Variants in SYT1 observed in about 807,000 individuals in gnomAD.
SYT1 encodes synaptotagmin-1.
In SYT1, 8 loss-of-function variants were observed where a neutral mutation model predicts 44.8. That is an observed-to-expected ratio of 0.18 (90% CI 0.10 to 0.32). The LOEUF is 0.32. SYT1 is among the 10% of genes least tolerant of loss of function. The pLI is 1.00. For missense variants in SYT1, 286 were observed against 509.3 expected (o/e 0.56, Z 4.22); for synonymous variants, 154 against 188.8 (o/e 0.82, Z 1.51).
intron 4 of SYT1, among the ~76,000 whole-genome samples, chr12:79,278,797 G>A (rs181236856): frequency 6.6e-6 from 1 of 151,828 alleles, no homozygotes; most frequent in Admixed American, 6.6e-5. Flanking sequence ...ATTTAAATAA[G>A]CTCAATCAGA....
intron 5 of SYT1, among the ~76,000 whole-genome samples, chr12:79,289,552 A>G (rs1163773760): frequency 6.6e-6 from 1 of 152,164 alleles, no homozygotes; most frequent in Non-Finnish European, 1.5e-5. Context: ...GGTAAAAACC[A>G]CTTAGGGAGA....
At chr12:79,392,670 T>G (rs569967274) in intron 9 of SYT1, 1 of 151,868 alleles carries the variant, frequency 6.6e-6, no homozygotes, top group Non-Finnish European at 1.5e-5. Flanking sequence ...ACTAGTTCAG[T>G]CAGTTTAATG....
intron 4 of SYT1, among the ~76,000 whole-genome samples, chr12:79,244,579 C>A (rs1876708453): frequency 6.6e-6 from 1 of 152,048 alleles, no homozygotes; most frequent in Admixed American, 6.5e-5. Flanking sequence ...GTGGTGGCGC[C>A]TGTAGTCCCA....
intron 1 of SYT1, among the ~76,000 whole-genome samples, chr12:78,922,769 A>G (rs1877078872): frequency 6.6e-6 from 1 of 151,942 alleles, no homozygotes; most frequent in East Asian, 1.9e-4. Flanking sequence ...ATGCCTCAGA[A>G]TGTTCTCTTT....
At chr12:79,302,641 ATTC>A (rs1024905976) in intron 8 of SYT1, among the ~76,000 whole-genome samples, 110 of 152,198 alleles carry the variant, frequency 7.2e-4, no homozygotes, top group Admixed American at 1.6e-3. Flanking sequence ...CCACTATTCG[ATTC>A]TATCCCCAGG....
chr12:78,924,290 G>C (rs1877177270), intron 1 of SYT1, among the ~76,000 whole-genome samples: 1 of 151,848 alleles, frequency 6.6e-6, no homozygotes, highest in South Asian at 2.1e-4. Context: ...GGCAATGTCT[G>C]CCAATAATTT....
At chr12:79,163,713 G>A (rs1871086699) in intron 3 of SYT1, among the ~76,000 whole-genome samples, 1 of 151,962 alleles carries the variant, frequency 6.6e-6, no homozygotes, top group South Asian at 2.1e-4. Context: ...ATTACCAGTT[G>A]GACAGCAGCA....
chr12:79,061,917 T>C (rs1251828063), intron 3 of SYT1, among the ~76,000 whole-genome samples: 1 of 152,172 alleles, frequency 6.6e-6, no homozygotes, highest in African/African-American at 2.4e-5. Flanking sequence ...TTTTTTCTGC[T>C]TAATCTACCA....
chr12:79,285,838 T>G lies in SYT1; in HGVS notation c.218T>G (p.Leu73Arg). The G allele has an allele frequency of 6.2e-7, 1 of 1,613,676 alleles. No individual in the cohort carries two copies. The highest frequency in any genetic ancestry group is 8.5e-7 in the Non-Finnish European group (1 of 1,179,888). The change falls in exon 5 of 11, where the codon CTG becomes CGG. Residue 73 changes from leucine to arginine, a missense_variant. By Grantham distance (102) the Leu-to-Arg change is moderately radical. This residue lies in a region of SYT1 where 141 missense variants were observed against 165.7 expected (regional missense o/e 0.85). Coordinates refer to ENST00000261205, the MANE Select transcript of SYT1 (RefSeq NM_005639.3). ...AIAIVAVLLV[L>R]TCCFCICKKC... is the part of the protein sequence containing the mutation. ...GCCATAGTCGCAGTCCTTTTAGTCC[T>G]GACCTGCTGCTTTTGTATCTGTAAG...
chr12:79,222,832 GGCT>G (rs532034049), intron 4 of SYT1, among the ~76,000 whole-genome samples: 36 of 151,854 alleles, frequency 2.4e-4, no homozygotes, highest in African/African-American at 8.2e-4. Context: ...TTTTTAAATA[GGCT>G]GTCTTCAAAA....
chr12:78,931,745 G>A (rs919143494), intron 1 of SYT1, among the ~76,000 whole-genome samples: 1 of 152,182 alleles, frequency 6.6e-6, no homozygotes, highest in Non-Finnish European at 1.5e-5. Flanking sequence ...CAATAGAGAT[G>A]AGCCAATTTA....
At chr12:79,401,632 T>C (rs1284923683) in intron 9 of SYT1, among the ~76,000 whole-genome samples, 1 of 152,026 alleles carries the variant, frequency 6.6e-6, no homozygotes, top group African/African-American at 2.4e-5. Context: ...GGAAGAATGA[T>C]ATTAAAGATA....
At chr12:78,925,076 A>C (rs1223197900) in intron 1 of SYT1, among the ~76,000 whole-genome samples, 1 of 151,940 alleles carries the variant, frequency 6.6e-6, no homozygotes. Flanking sequence ...GTGTCACTAC[A>C]TATCTATTTC....
chr12:79,167,900 G>A (rs575566456), intron 3 of SYT1, among the ~76,000 whole-genome samples: 15 of 152,016 alleles, frequency 9.9e-5, no homozygotes, highest in Admixed American at 2.6e-4. Flanking sequence ...CATAAGGAGC[G>A]TAACAACCTA....
chr12:79,075,864 A>G (rs1207163170), intron 3 of SYT1, among the ~76,000 whole-genome samples: 4 of 152,310 alleles, frequency 2.6e-5, no homozygotes, highest in East Asian at 1.9e-4. Flanking sequence ...TGCAAATTAG[A>G]AGTGAATATA....
intron 8 of SYT1, among the ~76,000 whole-genome samples, chr12:79,352,171 G>A (rs929876656): frequency 6.8e-6 from 1 of 147,980 alleles, no homozygotes; most frequent in Non-Finnish European, 1.5e-5. Flanking sequence ...TTTGAAAAAT[G>A]GATATAATGA....
intron 1 of SYT1, among the ~76,000 whole-genome samples, chr12:78,921,491 AT>A (rs1025940264): frequency 6.6e-5 from 10 of 151,852 alleles, no homozygotes; most frequent in East Asian, 1.9e-4. Context: ...CTTAAACCAG[AT>A]TTTTTTTCTG....
chr12:79,019,188 GA>G (rs1440758611), intron 2 of SYT1, among the ~76,000 whole-genome samples: 3 of 152,016 alleles, frequency 2.0e-5, no homozygotes, highest in Non-Finnish European at 4.4e-5. Flanking sequence ...CTAATGGAGA[GA>G]GAGAAGTATT....
At chr12:78,896,990 CT>C (rs1875397483) in intron 1 of SYT1, among the ~76,000 whole-genome samples, 1 of 151,794 alleles carries the variant, frequency 6.6e-6, no homozygotes, top group South Asian at 2.1e-4. Context: ...CACAATCATG[CT>C]CTTCAGTTCT....
Sources: allele counts gnomAD v4.1 joint callset (sites outside exome capture counted in the v4.1 genomes callset), GRCh38; gene constraint gnomAD v4.1.1; regional missense constraint gnomAD v4.1.1; transcripts MANE v1.5; gene names NCBI Gene and HGNC (gene_info 2026-07-23, HGNC 2026-07-21).